SHISA9: variants seen among roughly 807,000 people sequenced by gnomAD.
SHISA9 encodes protein shisa-9.
SHISA9 carries 13 observed loss-of-function variants against 38.0 expected under a neutral mutation model. The ratio of observed to expected loss-of-function variants is 0.34; its 90% CI spans 0.22 to 0.54. The LOEUF (loss-of-function observed/expected upper bound fraction) is 0.54. Ranked by LOEUF, SHISA9 falls within the 20% of genes least tolerant of loss-of-function variation. SHISA9 has a pLI of 0.91. For missense variants in SHISA9, 538 were observed against 575.8 expected (o/e 0.93, Z 0.67); for synonymous variants, 275 against 242.0 (o/e 1.14, Z -1.27).
chr16:13,360,843 T>G, the SHISA9 span, among the ~76,000 whole-genome samples: 2 of 152,130 alleles, frequency 1.3e-5, no homozygotes, highest in Non-Finnish European at 2.9e-5. Flanking sequence ...GGGAATATTC[T>G]GAGGTGCATT....
At chr16:13,315,774 A>C in the SHISA9 span, among the ~76,000 whole-genome samples, 1 of 152,088 alleles carries the variant, frequency 6.6e-6, no homozygotes, top group African/African-American at 2.4e-5. Flanking sequence ...GATCACTGAA[A>C]CTGGAAGTGG....
At chr16:13,444,524 C>G in the SHISA9 span, among the ~76,000 whole-genome samples, 23 of 152,190 alleles carry the variant, frequency 1.5e-4, no homozygotes, top group African/African-American at 5.5e-4. Context: ...TTTCATTTTT[C>G]CAGCACGTTC....
chr16:13,499,270 C>A, the SHISA9 span, among the ~76,000 whole-genome samples: 1 of 152,108 alleles, frequency 6.6e-6, no homozygotes, highest in African/African-American at 2.4e-5. Context: ...TTTATCACCA[C>A]CCACCAAAAA....
At chr16:13,195,701 T>G (rs1180827292) in intron 2 of SHISA9, among the ~76,000 whole-genome samples, 1 of 152,146 alleles carries the variant, frequency 6.6e-6, no homozygotes, top group Non-Finnish European at 1.5e-5. Context: ...ATAGTACATA[T>G]TTTTGCTATG....
At chr16:12,925,680 A>T (rs561625017) in intron 2 of SHISA9, among the ~76,000 whole-genome samples, 1 of 152,326 alleles carries the variant, frequency 6.6e-6, no homozygotes, top group Non-Finnish European at 1.5e-5. Flanking sequence ...GGTTTAGTTT[A>T]AAAGATGCCA....
chr16:13,262,469 T>C, the SHISA9 span, among the ~76,000 whole-genome samples: 1 of 152,318 alleles, frequency 6.6e-6, no homozygotes, highest in African/African-American at 2.4e-5. Flanking sequence ...GCTTATCAGG[T>C]TGTATCACAC....
the SHISA9 span, among the ~76,000 whole-genome samples, chr16:13,490,694 T>G: frequency 6.6e-6 from 1 of 152,234 alleles, no homozygotes; most frequent in African/African-American, 2.4e-5. Context: ...ATGTATGTAT[T>G]GATCCACTCG....
intron 1 of SHISA9, 92 bp from the exon 2 acceptor site, chr16:12,916,596 T>C: frequency 7.0e-7 from 1 of 1,421,850 alleles, no homozygotes; most frequent in African/African-American, 1.4e-5. Flanking sequence ...GTAATCCGCC[T>C]TGCCATTTGT....
At chr16:13,454,243 AACATGAAGGAGAT>A in the SHISA9 span, among the ~76,000 whole-genome samples, 1 of 152,200 alleles carries the variant, frequency 6.6e-6, no homozygotes, top group South Asian at 2.1e-4. Flanking sequence ...TTTGTTTCGG[AACATGAAGGAGAT>A]ACTATGTCAA....
At chr16:13,004,234 TG>T (rs2072566570) in intron 2 of SHISA9, among the ~76,000 whole-genome samples, 1 of 152,226 alleles carries the variant, frequency 6.6e-6, no homozygotes, top group Non-Finnish European at 1.5e-5. Context: ...GTGACCAACT[TG>T]TCCATTTTAT....
intron 2 of SHISA9, among the ~76,000 whole-genome samples, chr16:13,113,467 G>A (rs401326): frequency 0.61 from 92,334 of 151,994 alleles, 28,749 homozygotes; most frequent in African/African-American, 0.71. Context: ...TGTATATCCC[G>A]TGATCAAGAA....
chr16:13,101,418 A>G (rs753111440), intron 2 of SHISA9, among the ~76,000 whole-genome samples: 11 of 152,244 alleles, frequency 7.2e-5, no homozygotes, highest in African/African-American at 2.7e-4. Context: ...ATCATAACTC[A>G]TTAAGTCTGG....
At chr16:13,424,106 A>C in the SHISA9 span, among the ~76,000 whole-genome samples, 34 of 152,338 alleles carry the variant, frequency 2.2e-4, no homozygotes, top group African/African-American at 8.2e-4. Context: ...CAGTCCCAAG[A>C]GAGGGGATTC....
At chr16:13,476,979 C>G in the SHISA9 span, among the ~76,000 whole-genome samples, 382 of 151,950 alleles carry the variant, frequency 2.5e-3, 2 homozygotes, top group African/African-American at 8.9e-3. Flanking sequence ...ATCTCCTGAC[C>G]TCATTATCTG....
At chr16:13,082,208 T>C (rs190372078) in intron 2 of SHISA9, among the ~76,000 whole-genome samples, 1 of 152,346 alleles carries the variant, frequency 6.6e-6, no homozygotes, top group African/African-American at 2.4e-5. Context: ...TAGAGACATA[T>C]CATGCAAGGC....
intron 3 of SHISA9, among the ~76,000 whole-genome samples, chr16:13,206,221 T>C (rs1176814373): frequency 6.6e-6 from 1 of 152,154 alleles, no homozygotes; most frequent in Non-Finnish European, 1.5e-5. Flanking sequence ...ATTCATAAAA[T>C]TTATTTATTT....
At chr16:12,992,957 G>C (rs1209128838) in intron 2 of SHISA9, among the ~76,000 whole-genome samples, 3 of 152,218 alleles carry the variant, frequency 2.0e-5, no homozygotes, top group African/African-American at 7.2e-5. Flanking sequence ...TTGAGGCATA[G>C]GAAGATTACG....
At chr16:13,554,414 A>C in the SHISA9 span, among the ~76,000 whole-genome samples, 2 of 151,436 alleles carry the variant, frequency 1.3e-5, no homozygotes, top group Admixed American at 6.6e-5. Context: ...TGCTATAAAT[A>C]CTCTATTATA....
chr16:12,992,210 C>T (rs1400500952), intron 2 of SHISA9, among the ~76,000 whole-genome samples: 1 of 151,714 alleles, frequency 6.6e-6, no homozygotes, highest in Admixed American at 6.6e-5. Context: ...ACAAGAAAAC[C>T]AAGTCTCTCA....
Sources: gnomAD v4.1 joint callset for allele counts (sites outside exome capture counted in the v4.1 genomes callset) on GRCh38, gnomAD v4.1.1 for gene constraint, MANE v1.5 for transcripts, NCBI Gene and HGNC (gene_info 2026-07-23, HGNC 2026-07-21) for gene names.